DTD1: variants seen among roughly 807,000 people sequenced by gnomAD.
The protein encoded by DTD1 is D-aminoacyl-tRNA deacylase 1.
A neutral mutation model predicts 25.6 loss-of-function variants in DTD1; 13 were observed. That is an observed-to-expected ratio of 0.51 (90% CI 0.33 to 0.81). The LOEUF (loss-of-function observed/expected upper bound fraction) is 0.81. DTD1 is among the 30% of genes least tolerant of loss of function. DTD1 has a pLI of 0.02. For missense variants in DTD1, 193 were observed against 266.4 expected, an observed-to-expected ratio of 0.72 and a Z score of 1.92; for synonymous variants, 110 against 103.6, an observed-to-expected ratio of 1.06 and a Z score of -0.37.
At chr20:18,734,559 T>G (rs2061249091) in intron 4 of DTD1, among the ~76,000 whole-genome samples, 1 of 152,226 alleles carries the variant, frequency 6.6e-6, no homozygotes, top group African/African-American at 2.4e-5. Context: ...TTCCAGAAGT[T>G]TCTGTGGCCT....
intron 3 of DTD1, among the ~76,000 whole-genome samples, chr20:18,602,066 G>T (rs2060637574): frequency 8.0e-6 from 1 of 124,844 alleles, no homozygotes; most frequent in Admixed American, 8.6e-5. Context: ...AACCAATACA[G>T]AGAAGTGCTT....
At chr20:18,745,190 T>C (rs1467371386) in intron 5 of DTD1, among the ~76,000 whole-genome samples, 1 of 152,210 alleles carries the variant, frequency 6.6e-6, no homozygotes, top group Non-Finnish European at 1.5e-5. Context: ...TCCTTCACAG[T>C]GCCCCGTGTG....
At position 18,593,754 on chromosome 20, in the gene DTD1, A is replaced by G. The variant is rs11545150; in HGVS notation, c.67A>G (p.Ile23Val). The G allele has an allele frequency of 6.2e-7, 1 of 1,614,016 alleles. No homozygotes were observed. The highest frequency in any genetic ancestry group is 8.5e-7 in the Non-Finnish European group (1 of 1,179,920). The change falls in exon 2 of 6, where the codon ATT becomes GTT. Residue 23 changes from isoleucine (I) to valine (V), a missense_variant. Ile to Val is a conservative substitution (Grantham distance 29). Coordinates refer to ENST00000377452, the MANE Select transcript of DTD1 (RefSeq NM_080820.6). ...VTVGGEQISA[I>V]GRGICVLLGI... ...AGTTGGAGGAGAGCAGATTAGTGCC[A>G]TTGGAAGGGGCATATGTGTGTTGCT...
rs564248870 is a variant in DTD1 at position 18,591,599 on chromosome 20, A to G, written c.44-2132A>G. Among the ~76,000 whole-genome samples, 22 of 152,340 alleles carry G rather than the reference A, an allele frequency of 1.4e-4. No homozygotes were observed. The East Asian group carries it at 3.9e-3, about 27-fold the overall frequency. ...TACAATATTAAAAGGAAATCATTAAAATATTAAAGTACTTACCTTTGTTCT... is the reference window on the plus strand; with the variant it reads ...TACAATATTAAAAGGAAATCATTAAGATATTAAAGTACTTACCTTTGTTCT... On this transcript the variant is annotated intron_variant, in intron 1 of 5. Transcript: ENST00000377452.
At chr20:18,608,601 T>C (rs1031482818) in intron 3 of DTD1, among the ~76,000 whole-genome samples, 22 of 152,254 alleles carry the variant, frequency 1.4e-4, no homozygotes, top group Non-Finnish European at 1.5e-5. Flanking sequence ...GTTTCTCTTT[T>C]CCCCACTTTT....
At chr20:18,594,924 G>A (rs574930122) in intron 2 of DTD1, among the ~76,000 whole-genome samples, 2 of 152,334 alleles carry the variant, frequency 1.3e-5, no homozygotes, top group East Asian at 3.9e-4. Context: ...GTAATGAGTA[G>A]CACCTGTCCC....
chr20:18,612,379 C>G (rs1423640310), intron 3 of DTD1, among the ~76,000 whole-genome samples: 1 of 152,030 alleles, frequency 6.6e-6, no homozygotes, highest in African/African-American at 2.4e-5. Flanking sequence ...GCCAAAATAC[C>G]TCTGTTGAGG....
intron 4 of DTD1, among the ~76,000 whole-genome samples, chr20:18,679,437 G>T (rs948818693): frequency 6.6e-6 from 1 of 152,186 alleles, no homozygotes; most frequent in Non-Finnish European, 1.5e-5. Context: ...ATTTTCTAAG[G>T]AGTCTGGGAA....
At chr20:18,630,952 T>G (rs2060785185) in intron 4 of DTD1, 5 of 442,980 alleles carry the variant, frequency 1.1e-5, no homozygotes, top group Non-Finnish European at 1.5e-5. Flanking sequence ...CCAGGAGGTA[T>G]GTGGTATTGA....
At chr20:18,648,935 G>A (rs992664108) in intron 4 of DTD1, among the ~76,000 whole-genome samples, 7 of 132,966 alleles carry the variant, frequency 5.3e-5, no homozygotes, top group Admixed American at 3.5e-4. Context: ...GGCAGAGCTT[G>A]CAGTGAGCTG....
At chr20:18,625,820 G>A (rs2060755227) in intron 3 of DTD1, among the ~76,000 whole-genome samples, 1 of 152,196 alleles carries the variant, frequency 6.6e-6, no homozygotes, top group Non-Finnish European at 1.5e-5. Flanking sequence ...TGCCTCCTTG[G>A]TGGCAGATAA....
chr20:18,628,105 A>T (rs1452960921), intron 3 of DTD1, 22 bp from the exon 4 acceptor site: 1 of 1,604,376 alleles, frequency 6.2e-7, no homozygotes, highest in Non-Finnish European at 8.5e-7. Context: ...ATCTTTGGTA[A>T]CTGTTTGGAT....
At chr20:18,708,323 T>TATATCTATA (rs2061143341) in intron 4 of DTD1, among the ~76,000 whole-genome samples, 1 of 42,456 alleles carries the variant, frequency 2.4e-5, no homozygotes, top group Non-Finnish European at 5.1e-5. Context: ...ATATATATTA[T>TATATCTATA]ATATATATAT....
chr20:18,706,637 G>C, intron 4 of DTD1, among the ~76,000 whole-genome samples: 1 of 151,920 alleles, frequency 6.6e-6, no homozygotes, highest in East Asian at 1.9e-4. Flanking sequence ...GTAGAAAGTT[G>C]CCTCTGAGGA....
At chr20:18,588,706 CCCG>C (rs1394453740) in intron 1 of DTD1, 1 of 985,186 alleles carries the variant, frequency 1.0e-6, no homozygotes, top group African/African-American at 1.7e-5. Context: ...CTCGCCCTCG[CCCG>C]CTGAACTCTG....
intron 4 of DTD1, among the ~76,000 whole-genome samples, chr20:18,651,906 C>G (rs2060875485): frequency 6.6e-6 from 1 of 152,192 alleles, no homozygotes; most frequent in Non-Finnish European, 1.5e-5. Flanking sequence ...TGGGGTCTTT[C>G]AAACCAGCCC....
intron 4 of DTD1, among the ~76,000 whole-genome samples, chr20:18,727,711 T>A (rs1219747294): frequency 6.6e-6 from 1 of 152,162 alleles, no homozygotes; most frequent in Non-Finnish European, 1.5e-5. Flanking sequence ...GCTGTAGATT[T>A]CTCTATTTTG....
intron 4 of DTD1, 56 bp downstream of exon 4, chr20:18,628,289 T>A: frequency 1.4e-6 from 2 of 1,410,624 alleles, no homozygotes; most frequent in South Asian, 1.2e-5. Flanking sequence ...AACATCCCTT[T>A]AGTCCCTGGA....
intron 3 of DTD1, among the ~76,000 whole-genome samples, chr20:18,614,338 C>G (rs925274749): frequency 6.6e-6 from 1 of 152,196 alleles, no homozygotes; most frequent in African/African-American, 2.4e-5. Context: ...AGGTGATATC[C>G]TGAATGCATT....
Sources: allele counts gnomAD v4.1 joint callset (sites outside exome capture counted in the v4.1 genomes callset), GRCh38; gene constraint gnomAD v4.1.1; transcripts MANE v1.5; gene names NCBI Gene and HGNC (gene_info 2026-07-23, HGNC 2026-07-21).